The following EDC4 variants were observed in gnomAD, a reference collection of about 807,000 sequenced individuals.
EDC4 encodes enhancer of mRNA decapping 4.
Under a neutral mutation model 155.8 loss-of-function variants are expected in EDC4, and 64 were observed. That is an observed-to-expected ratio of 0.41 (90% CI 0.34 to 0.51). The LOEUF is 0.51. Among genes scored for constraint, EDC4 ranks in the 20% least tolerant of loss-of-function variants. The pLI, the probability that EDC4 is intolerant of heterozygous loss-of-function variation, is 0.19. For missense variants in EDC4, 1,303 were observed against 1,812.5 expected (o/e 0.72, Z 5.10); for synonymous variants, 684 against 716.8 (o/e 0.95, Z 0.73).
Position 67,877,078 on chromosome 16 carries a change from CATG to C in EDC4, c.451+107_451+109del. On this transcript the variant is annotated intron_variant, in intron 4 of 28. Coordinates refer to ENST00000358933, the MANE Select transcript of EDC4 (RefSeq NM_014329.5). This position sits in a 1 kb window ranked among gnomAD's most constrained non-coding sequence, Gnocchi z 4.9. Reference sequence around the variant, plus strand: ...TTAGGGGTACAATGGAAGGTTTGTCCATGCTGCCTCTTGGGGAGCTGGGTGGGA... The same window carrying C: ...TTAGGGGTACAATGGAAGGTTTGTCCCTGCCTCTTGGGGAGCTGGGTGGGA... 1 of 1,549,324 alleles carries C rather than the reference CATG, an allele frequency of 6.5e-7. No homozygotes were observed. Among genetic ancestry groups the C allele is most frequent in the Non-Finnish European group, 8.7e-7 (1 of 1,146,640 alleles).
At position 67,883,501 on chromosome 16, in the gene EDC4, C is replaced by A. The variant is rs1018798563; in HGVS notation, c.3850-67C>A. The A allele has an allele frequency of 1.6e-5, 25 of 1,587,378 alleles. No homozygotes were observed. Among genetic ancestry groups the A allele is most frequent in the Non-Finnish European group, 2.0e-5 (23 of 1,169,100 alleles). ...TGTGGTCATCCTCCCCCAGGCCACA[C>A]AGTTCAGACAAGCAGACATTCCATC... On this transcript the variant is annotated intron_variant, in intron 27 of 28. Coordinates refer to ENST00000358933, the MANE Select transcript of EDC4 (RefSeq NM_014329.5). The surrounding 1 kb of genome is among the most constrained non-coding windows in gnomAD (Gnocchi z 5.3).
rs1232355511 is a variant in EDC4, at chr16:67,879,101, C to T, written c.1432C>T (p.Leu478=). 6.2e-7 allele frequency: 1 copy of T among 1,613,846 alleles called. No homozygotes were observed. The highest frequency in any genetic ancestry group is 1.7e-5 in the Admixed American group (1 of 60,024). Residue 478 remains leucine, a synonymous_variant, in exon 12 of 29, where the codon CTG becomes TTG. Transcript: ENST00000358933. The surrounding 1 kb of genome is among the most constrained non-coding windows in gnomAD (Gnocchi z 6.0). ...SRCRLRHTEV[L]PAEEENDSLG... ...CTGCCGGCTACGGCACACTGAGGTGCTGCCTGCCGAAGAGGAAAATGACAG... is the reference window on the plus strand; with the variant it reads ...CTGCCGGCTACGGCACACTGAGGTGTTGCCTGCCGAAGAGGAAAATGACAG...
chr16:67,874,023 A>T (rs891619246), intron 1 of EDC4, among the ~76,000 whole-genome samples: 1 of 152,190 alleles, frequency 6.6e-6, no homozygotes, highest in Non-Finnish European at 1.5e-5. Flanking sequence ...ACAGGGTTGT[A>T]ATATACTGTT....
intron 1 of EDC4, among the ~76,000 whole-genome samples, chr16:67,874,415 A>G (rs1436031750): frequency 6.6e-6 from 1 of 152,200 alleles, no homozygotes; most frequent in Admixed American, 6.5e-5. Context: ...TACTTTCAGA[A>G]AATCCATCTG....
rs1235994758 is a variant in EDC4 at position 67,881,059 on chromosome 16, T to C, written c.2532-17T>C. The C allele has an allele frequency of 3.7e-6, 6 of 1,613,932 alleles. No homozygotes were observed. Among genetic ancestry groups the C allele is most frequent in the Non-Finnish European group, 3.4e-6 (4 of 1,180,026 alleles). ...TCAGATAGATTCATCCATGGCTAAG[T>C]TGGCCTGTCCTCCCAGCCCCAGGAA... On this transcript the variant is annotated splice_polypyrimidine_tract_variant and intron_variant, in intron 18 of 28. Transcript: ENST00000358933. This position sits in a 1 kb window ranked among gnomAD's most constrained non-coding sequence, Gnocchi z 5.4.
chr16:67,881,643 G>T lies in EDC4; in HGVS notation c.2827-25G>T. 6.2e-7 allele frequency: 1 copy of T among 1,610,550 alleles called. No individual in the cohort carries two copies. The highest frequency in any genetic ancestry group is 1.1e-5 in the South Asian group (1 of 91,040). On this transcript the variant is annotated intron_variant, in intron 21 of 28. Coordinates refer to ENST00000358933, the MANE Select transcript of EDC4 (RefSeq NM_014329.5). This position sits in a 1 kb window ranked among gnomAD's most constrained non-coding sequence, Gnocchi z 5.4. ...TGTGGGAATAGGTGGGGCAGGCATC[G>T]TGTGACTGTCAGTGCTACTGACAGG...
rs114970116 is a variant in EDC4, at chr16:67,878,045, C to G, written c.895-121C>G. ...TCTGGCCTTCTCTAGGAACCCTGTTCATTTAGTCAGTCACACAAGCATGCC... is the reference window on the plus strand; with the variant it reads ...TCTGGCCTTCTCTAGGAACCCTGTTGATTTAGTCAGTCACACAAGCATGCC... On this transcript the variant is annotated intron_variant, in intron 7 of 28. Coordinates refer to ENST00000358933, the MANE Select transcript of EDC4 (RefSeq NM_014329.5). The surrounding 1 kb of genome is among the most constrained non-coding windows in gnomAD (Gnocchi z 5.2). 6.6e-7 allele frequency: 1 copy of G among 1,517,134 alleles called. No individual in the cohort carries two copies. The highest frequency in any genetic ancestry group is 8.9e-7 in the Non-Finnish European group (1 of 1,127,090). 94.0% of individuals were successfully genotyped at this position (1,517,134 alleles called of 1,614,324 possible). A position where few individuals can be genotyped will look rare whatever the true frequency, so the allele number is the denominator to read the frequency against.
Position 67,882,326 on chromosome 16 carries a change from A to G in EDC4, c.3275A>G (p.Lys1092Arg). The change falls in exon 24 of 29, where the codon AAG (lysine) becomes AGG (arginine). Residue 1092 changes from lysine (K) to arginine (R), a missense_variant and splice_region_variant. Physicochemically the swap from Lys to Arg is conservative, Grantham distance 26. Around this residue, in one of 5 missense-constraint regions of EDC4, gnomAD observed 527 missense variants for 757.0 expected, o/e 0.70. Coordinates refer to ENST00000358933, the MANE Select transcript of EDC4 (RefSeq NM_014329.5). This position sits in a 1 kb window ranked among gnomAD's most constrained non-coding sequence, Gnocchi z 7.2. ...AACATCTCCAAGCTGCTCAAGTCCA[A>G]GGTGCTATAGGGCCCAAGATGTGGG... is the stretch of plus-strand genomic sequence containing the variant. Reference protein sequence around the residue: ...KENISKLLKSKNLTDAIARAA... With the variant: ...KENISKLLKSRNLTDAIARAA... 1 of 1,613,728 alleles carries G rather than the reference A, an allele frequency of 6.2e-7. No individual in the cohort carries two copies. Among genetic ancestry groups the G allele is most frequent in the Non-Finnish European group, 8.5e-7 (1 of 1,179,794 alleles).
Position 67,880,018 on chromosome 16 carries a change from T to A in EDC4, c.1944-45T>A, listed in dbSNP as rs1235879830. The A allele has an allele frequency of 6.3e-7, 1 of 1,588,992 alleles. No homozygotes were observed. The highest frequency in any genetic ancestry group is 8.6e-7 in the Non-Finnish European group (1 of 1,163,784). Reference sequence around the variant, plus strand: ...GAGGATGGCAGGGGCTGGTACCAGATGATGCCAAGCTCTGGCTGCTGACAC... The same window carrying A: ...GAGGATGGCAGGGGCTGGTACCAGAAGATGCCAAGCTCTGGCTGCTGACAC... On this transcript the variant is annotated intron_variant, in intron 16 of 28. Transcript: ENST00000358933. The surrounding 1 kb of genome is among the most constrained non-coding windows in gnomAD (Gnocchi z 5.2).
chr16:67,877,469 C>T lies in EDC4; in HGVS notation c.642-40C>T. On this transcript the variant is annotated intron_variant, in intron 5 of 28. Transcript: ENST00000358933. This position sits in a 1 kb window ranked among gnomAD's most constrained non-coding sequence, Gnocchi z 4.9. ...GGGTGGGCGGAGCTGGGGTGTCACG[C>T]CTCTTCATTCATCTATCTAGCCCTT... 1.2e-6 allele frequency: 2 copies of T among 1,612,008 alleles called. No homozygotes were observed. The highest frequency in any genetic ancestry group is 1.7e-6 in the Non-Finnish European group (2 of 1,178,416).
rs897879185 is a variant in EDC4, at chr16:67,875,037, G to A, written c.83-908G>A. 3.9e-5 allele frequency among the ~76,000 whole-genome samples: 6 copies of A among 152,306 alleles called. No individual in the cohort carries two copies. The Middle Eastern group carries it at 0.01, about 259-fold the overall frequency. ...AGAGGTTGCCATGAGCCGAGATCGC[G>A]CCAAAATAATTCAAAGACTGTTGTG... On this transcript the variant is annotated intron_variant, in intron 1 of 28. Transcript: ENST00000358933.
Position 67,879,841 on chromosome 16 carries a change from T to C in EDC4, c.1822-9T>C. ...CAGGCCACAGGTCTTATTTCCTGCA[T>C]CTCCCCAGATCACTGCCTCTCCCAG... On this transcript the variant is annotated splice_polypyrimidine_tract_variant and intron_variant, in intron 15 of 28. Transcript: ENST00000358933. The surrounding 1 kb of genome is among the most constrained non-coding windows in gnomAD (Gnocchi z 6.0). 1 of 1,613,320 alleles carries C rather than the reference T, an allele frequency of 6.2e-7. No individual in the cohort carries two copies. The highest frequency in any genetic ancestry group is 8.5e-7 in the Non-Finnish European group (1 of 1,179,754).
chr16:67,882,338 G>T lies in EDC4; in HGVS notation c.3276+11G>T, dbSNP rs2058072091. ...CTGCTCAAGTCCAAGGTGCTATAGG[G>T]CCCAAGATGTGGGTGGAGGTGGTGG... is the stretch of plus-strand genomic sequence containing the variant. On this transcript the variant is annotated intron_variant, in intron 24 of 28. Coordinates refer to ENST00000358933, the MANE Select transcript of EDC4 (RefSeq NM_014329.5). This position sits in a 1 kb window ranked among gnomAD's most constrained non-coding sequence, Gnocchi z 7.2. 1 of 1,613,822 alleles carries T rather than the reference G, an allele frequency of 6.2e-7. No homozygotes were observed.
At position 67,881,231 on chromosome 16, in the gene EDC4, G is replaced by A. The variant is rs756810351; in HGVS notation, c.2637-34G>A. 6.2e-7 allele frequency: 1 copy of A among 1,614,014 alleles called. No individual in the cohort carries two copies. Among genetic ancestry groups the A allele is most frequent in the Admixed American group, 1.7e-5 (1 of 60,016 alleles). On this transcript the variant is annotated intron_variant, in intron 19 of 28. Transcript: ENST00000358933. The surrounding 1 kb of genome is among the most constrained non-coding windows in gnomAD (Gnocchi z 5.4). The stretch of plus-strand genomic sequence containing the variant: ...CTCATGGGGGGATGGGCAGCAAGTG[G>A]GCAGGGGCTTACTCCTCCTTCCCCT...
At chr16:67,875,731 C>A in intron 1 of EDC4, 1 of 1,370,384 alleles carries the variant, frequency 7.3e-7, no homozygotes, top group Non-Finnish European at 9.4e-7. Flanking sequence ...TTGTACCCCT[C>A]CCCCAGGTAG....
chr16:67,877,538 C>T lies in EDC4; in HGVS notation c.671C>T (p.Pro224Leu), dbSNP rs2058046880. Reference protein sequence around the residue: ...QEEILVHIRQPEGTPLNHFRR... With the variant: ...QEEILVHIRQLEGTPLNHFRR... Reference sequence around the variant, plus strand: ...GAGATCTTGGTCCATATTCGGCAGCCAGAGGGCACGCCACTGAACCACTTT... The same window carrying T: ...GAGATCTTGGTCCATATTCGGCAGCTAGAGGGCACGCCACTGAACCACTTT... Residue 224 changes from proline (P) to leucine (L), a missense_variant, in exon 6 of 29, where the codon CCA becomes CTA. Physicochemically the swap from Pro to Leu is moderately conservative, Grantham distance 98 (BLOSUM62 -3). Transcript: ENST00000358933. This position sits in a 1 kb window ranked among gnomAD's most constrained non-coding sequence, Gnocchi z 4.9. 1 of 1,614,102 alleles carries T rather than the reference C, an allele frequency of 6.2e-7. No homozygotes were observed. The highest frequency in any genetic ancestry group is 8.5e-7 in the Non-Finnish European group (1 of 1,180,056).
chr16:67,880,638 A>G lies in EDC4; in HGVS notation c.2179A>G (p.Thr727Ala), dbSNP rs762467210. The G allele has an allele frequency of 6.2e-7, 1 of 1,613,470 alleles. No individual in the cohort carries two copies. The highest frequency in any genetic ancestry group is 8.5e-7 in the Non-Finnish European group (1 of 1,179,876). Residue 727 changes from threonine (T) to alanine (A), a missense_variant, in exon 18 of 29, where the codon ACT becomes GCT. By Grantham distance (58) the Thr-to-Ala change is moderately conservative. Around this residue, in one of 5 missense-constraint regions of EDC4, gnomAD observed 391 missense variants for 445.4 expected, o/e 0.88. Coordinates refer to ENST00000358933, the MANE Select transcript of EDC4 (RefSeq NM_014329.5). The surrounding 1 kb of genome is among the most constrained non-coding windows in gnomAD (Gnocchi z 5.2). ...LGLPQASPSR[T>A]RSPDVISSAS... ...GCTACCCCAAGCCTCCCCTAGCCGC[A>G]CTCGTTCCCCTGATGTCATCTCCTC...
In EDC4 at chr16:67,883,040, G is replaced by A. The variant is rs1329540011; in HGVS notation, c.3712G>A (p.Val1238Ile). The change falls in exon 27 of 29, where the codon GTC (valine) becomes ATC (isoleucine). Residue 1238 changes from valine to isoleucine, a missense_variant. Physicochemically the swap from Val to Ile is conservative, Grantham distance 29 (BLOSUM62 3). Transcript: ENST00000358933. This position sits in a 1 kb window ranked among gnomAD's most constrained non-coding sequence, Gnocchi z 5.3. ...GGCGCTCAAGGAGCAGCAGGCCGCC[G>A]TCACCTCCAGCATCATGCAGGCCAT... ...SVALKEQQAA[V>I]TSSIMQAMRS... is the part of the protein sequence containing the mutation. 1.9e-6 allele frequency: 3 copies of A among 1,613,776 alleles called. No homozygotes were observed. The highest frequency in any genetic ancestry group is 1.1e-5 in the South Asian group (1 of 91,086).
intron 1 of EDC4, among the ~76,000 whole-genome samples, chr16:67,873,985 C>A (rs961274495): frequency 9.2e-5 from 14 of 152,296 alleles, no homozygotes; most frequent in Admixed American, 2.0e-4. Flanking sequence ...ACTAGTCTTG[C>A]CCCCAAAGAT....
Sources: gnomAD v4.1 joint callset for allele counts (sites outside exome capture counted in the v4.1 genomes callset) on GRCh38, gnomAD v4.1.1 for gene constraint, gnomAD v4.1.1 regional missense constraint, Gnocchi (gnomAD v3.1) non-coding constraint, MANE v1.5 for transcripts, NCBI Gene and HGNC (gene_info 2026-07-23, HGNC 2026-07-21) for gene names.